CTSV: variants seen among roughly 807,000 people sequenced by gnomAD.
CTSV encodes the protein cathepsin V, also known as cathepsin L2.
Under a neutral mutation model 35.6 loss-of-function variants are expected in CTSV, and 33 were observed. The ratio of observed to expected loss-of-function variants is 0.93; its 90% CI spans 0.70 to 1.24. The LOEUF (loss-of-function observed/expected upper bound fraction) is 1.24, where lower values mean the gene tolerates loss of function less well. Among genes scored for constraint, CTSV ranks in the 50% most tolerant of loss-of-function variants. The probability of loss-of-function intolerance (pLI) is 0.00; values close to 1 mark genes in which losing one functional copy is unlikely to be tolerated. For synonymous variants in CTSV, 154 were observed against 147.1 expected (o/e 1.05, Z -0.34); for missense variants, 408 against 413.1 (o/e 0.99, Z 0.11).
rs763442831 is a variant in CTSV at position 97,037,347 on chromosome 9, T to C, written c.301A>G (p.Arg101Gly). The C allele has an allele frequency of 3.8e-5, 61 of 1,614,060 alleles. No homozygotes were observed. The highest frequency in any genetic ancestry group is 1.7e-4 in the Admixed American group (10 of 60,006). The change falls in exon 4 of 8, where the codon AGG becomes GGG. Residue 101 changes from arginine (R) to glycine (G), a missense_variant. Coordinates refer to ENST00000259470, the MANE Select transcript of CTSV (RefSeq NM_001333.4). Reference protein sequence around the residue: ...MMGCFRNQKFRKGKVFREPLF... With the variant: ...MMGCFRNQKFGKGKVFREPLF... ...GGCTCACGGAACACTTTCCCCTTCC[T>C]GAATTTCTGGTTTCGAAAGCAACCC...
intron 5 of CTSV, 165 bp downstream of exon 5, chr9:97,036,358 C>T (rs1167570801): frequency 3.0e-6 from 2 of 666,220 alleles, no homozygotes; most frequent in Non-Finnish European, 5.4e-6. Context: ...GGTGATCCAC[C>T]ACGCCTGGCC....
At position 97,031,545 on chromosome 9, in the gene CTSV, T is replaced by C. The variant is rs528043145; in HGVS notation, c.*1404A>G. The C allele has an allele frequency of 7.9e-5, 12 of 152,374 alleles. No individual in the cohort carries two copies. The South Asian group carries it at 2.3e-3, about 29-fold the overall frequency. The allele number at this position is 152,374 out of a possible 1,614,324, so 9.4% of individuals were successfully genotyped here. ...AAACGAGTTAAATAACCACCCATAA[T>C]TCACCCACAAGTTTGGTGTACTTTC... On this transcript the variant is annotated 3_prime_UTR_variant, in exon 8 of 8. Transcript: ENST00000259470.
intron 7 of CTSV, among the ~76,000 whole-genome samples, chr9:97,033,637 C>A (rs888010913): frequency 6.6e-5 from 10 of 150,900 alleles, no homozygotes; most frequent in Admixed American, 2.0e-4. Context: ...AACAAAAAAA[C>A]CCCCATAAAA....
At chr9:97,038,974 T>A (rs1221994626) in intron 1 of CTSV, 97 bp downstream of exon 1, 1 of 152,388 alleles carries the variant, frequency 6.6e-6, no homozygotes, top group African/African-American at 2.4e-5. Flanking sequence ...AAGCTCTCAC[T>A]CCCAGAAGCG....
At chr9:97,035,474 T>C in intron 6 of CTSV, 54 bp downstream of exon 6, 1 of 1,345,520 alleles carries the variant, frequency 7.4e-7, no homozygotes, top group Non-Finnish European at 9.8e-7. Context: ...CAAGAATCAA[T>C]CACAGTGATG....
intron 1 of CTSV, among the ~76,000 whole-genome samples, 196 bp downstream of exon 1, chr9:97,038,875 C>T (rs1461340956): frequency 6.6e-6 from 1 of 152,190 alleles, no homozygotes. Flanking sequence ...CTGCCCCGCC[C>T]GGGCCCTCCC....
chr9:97,034,808 G>A lies in CTSV; in HGVS notation c.823C>T (p.Leu275=). ...YFEPDCSSKN[L]DHGVLVVGYG... ...CCAACCACCAGAACACCATGATCCA[G>A]GTTTTTGCTGCTGCAGTCTGGTTCA... Residue 275 remains leucine (L), a synonymous_variant, in exon 7 of 8, where the codon CTG becomes TTG. Coordinates refer to ENST00000259470, the MANE Select transcript of CTSV (RefSeq NM_001333.4). 1 of 1,614,116 alleles carries A rather than the reference G, an allele frequency of 6.2e-7. No homozygotes were observed. The highest frequency in any genetic ancestry group is 1.1e-5 in the South Asian group (1 of 91,076).
chr9:97,037,679 G>A lies in CTSV; in HGVS notation c.127-64C>T, dbSNP rs57778648. 662 of 1,586,472 alleles carry A rather than the reference G, an allele frequency of 4.2e-4. 5 individuals are homozygous for A. In the African/African-American group the frequency reaches 7.4e-3, roughly 18 times the overall value. ...TTACCCAACCCATGTTCACCAAGCCGATTTGCGGGCAGAAATGGAAGAGAA... is the reference window on the plus strand; with the variant it reads ...TTACCCAACCCATGTTCACCAAGCCAATTTGCGGGCAGAAATGGAAGAGAA... On this transcript the variant is annotated intron_variant, in intron 2 of 7. Coordinates refer to ENST00000259470, the MANE Select transcript of CTSV (RefSeq NM_001333.4).
Position 97,030,919 on chromosome 9 carries a change from C to T in CTSV, c.*2030G>A, listed in dbSNP as rs1737190634. 6.6e-6 allele frequency: 1 copy of T among 152,190 alleles called. No individual in the cohort carries two copies. The highest frequency in any genetic ancestry group is 1.5e-5 in the Non-Finnish European group (1 of 68,042). 9.4% of individuals were successfully genotyped at this position (152,190 alleles called of 1,614,324 possible). ...CCAGCAAATATTGGTTAAGTCTGTG[C>T]TTCAGACTAGATTTTTCAAGTCTAC... On this transcript the variant is annotated 3_prime_UTR_variant, in exon 8 of 8. Coordinates refer to ENST00000259470, the MANE Select transcript of CTSV (RefSeq NM_001333.4).
At chr9:97,039,172 T>C (rs1444670564), upstream of CTSV, 3 of 152,252 alleles carry the variant, frequency 2.0e-5, no homozygotes, top group African/African-American at 4.8e-5. Context: ...GATTTAAGTT[T>C]CCAGGCGGCC....
Position 97,035,508 on chromosome 9 carries a change from T to C in CTSV, c.787+20A>G, listed in dbSNP as rs377170049. On this transcript the variant is annotated intron_variant, in intron 6 of 7. Coordinates refer to ENST00000259470, the MANE Select transcript of CTSV (RefSeq NM_001333.4). ...TGCTTCCCAATTCTGCCTAAATTTC[T>C]ATAATAAAATGACACTTACCTGATT... The C allele has an allele frequency of 4.1e-6, 6 of 1,461,514 alleles. No individual in the cohort carries two copies. Among genetic ancestry groups the C allele is most frequent in the African/African-American group, 2.9e-5 (2 of 69,660 alleles). 90.5% of individuals were successfully genotyped at this position (1,461,514 alleles called of 1,614,324 possible).
At chr9:97,036,781 CAA>C (rs1828859838) in intron 4 of CTSV, 34 bp from the exon 5 acceptor site, 2 of 1,500,018 alleles carry the variant, frequency 1.3e-6, no homozygotes, top group South Asian at 2.5e-5. Flanking sequence ...TGTAAATTTA[CAA>C]GACCAATACA....
rs139877001 is a variant in CTSV, at chr9:97,035,523, C to G, written c.787+5G>C. ...CCTAAATTTCTATAATAAAATGACA[C>G]TTACCTGATTTGTAGAACTGGAAGG... On this transcript the variant is annotated splice_donor_5th_base_variant and intron_variant, in intron 6 of 7. Transcript: ENST00000259470. 1 of 1,492,794 alleles carries G rather than the reference C, an allele frequency of 6.7e-7. No homozygotes were observed. The highest frequency in any genetic ancestry group is 9.0e-7 in the Non-Finnish European group (1 of 1,113,000). 92.5% of individuals were successfully genotyped at this position (1,492,794 alleles called of 1,614,324 possible).
chr9:97,037,524 A>G lies in CTSV; in HGVS notation c.218T>C (p.Phe73Ser). The stretch of plus-strand genomic sequence containing the variant: ...ACCAAAAGCATTCATGGCCATTGTG[A>G]AGCCATGTTTCCCTTGGCTGTATTC... Reference protein sequence around the residue: ...NGEYSQGKHGFTMAMNAFGDM... With the variant: ...NGEYSQGKHGSTMAMNAFGDM... Residue 73 changes from phenylalanine to serine, a missense_variant, in exon 3 of 8, where the codon TTC (phenylalanine) becomes TCC (serine). By Grantham distance (155) the Phe-to-Ser change is radical (BLOSUM62 -2). Transcript: ENST00000259470. 2 of 1,614,180 alleles carry G rather than the reference A, an allele frequency of 1.2e-6. No individual in the cohort carries two copies. Among genetic ancestry groups the G allele is most frequent in the Non-Finnish European group, 8.5e-7 (1 of 1,180,020 alleles).
chr9:97,033,659 G>A (rs188869874), intron 7 of CTSV, among the ~76,000 whole-genome samples: 32 of 151,508 alleles, frequency 2.1e-4, no homozygotes, highest in Admixed American at 8.5e-4. Context: ...TTGGCCAGGC[G>A]TGGTGGCGCA....
Position 97,032,894 on chromosome 9 carries a change from TA to T in CTSV, c.*54del. ...AATAAGCGTTTGGTCAGTTTCAAGA[TA>T]AAATTTCCCCAGACATGCTGTCCTT... On this transcript the variant is annotated 3_prime_UTR_variant, in exon 8 of 8. Coordinates refer to ENST00000259470, the MANE Select transcript of CTSV (RefSeq NM_001333.4). 1.5e-6 allele frequency: 2 copies of T among 1,319,162 alleles called. No individual in the cohort carries two copies. The highest frequency in any genetic ancestry group is 2.1e-6 in the Non-Finnish European group (2 of 940,866). The allele number at this position is 1,319,162 out of a possible 1,614,324, so 81.7% of individuals were successfully genotyped here. A position where few individuals can be genotyped will look rare whatever the true frequency, so the allele number is the denominator to read the frequency against.
At chr9:97,036,829 C>CT in intron 4 of CTSV, 82 bp from the exon 5 acceptor site, 1 of 1,017,438 alleles carries the variant, frequency 9.8e-7, no homozygotes, top group Non-Finnish European at 1.3e-6. Flanking sequence ...CCTTAATATT[C>CT]TTTAAAAAAA....
chr9:97,036,133 C>T (rs1340759230), intron 5 of CTSV, among the ~76,000 whole-genome samples: 4 of 150,598 alleles, frequency 2.7e-5, no homozygotes, highest in Non-Finnish European at 4.4e-5. Flanking sequence ...TGTAGTGGTG[C>T]GATCTTGGCT....
At position 97,034,890 on chromosome 9, in the gene CTSV, G is replaced by A. The variant is rs1052111851; in HGVS notation, c.788-47C>T. Reference sequence around the variant, plus strand: ...TGGGGTGAGAAGCTCCAAGCGACATGTGACAGTAACCCACCCTACCACCCT... The same window carrying A: ...TGGGGTGAGAAGCTCCAAGCGACATATGACAGTAACCCACCCTACCACCCT... On this transcript the variant is annotated intron_variant, in intron 6 of 7. Transcript: ENST00000259470. 5 of 1,475,996 alleles carry A rather than the reference G, an allele frequency of 3.4e-6. No homozygotes were observed. In the African/African-American group the frequency reaches 6.9e-5, roughly 20 times the overall value. The allele number at this position is 1,475,996 out of a possible 1,614,324, so 91.4% of individuals were successfully genotyped here. A position where few individuals can be genotyped will look rare whatever the true frequency, so the allele number is the denominator to read the frequency against.
Sources: gnomAD v4.1 joint callset for allele counts (sites outside exome capture counted in the v4.1 genomes callset) on GRCh38, gnomAD v4.1.1 for gene constraint, MANE v1.5 for transcripts, NCBI Gene and HGNC (gene_info 2026-07-23, HGNC 2026-07-21) for gene names.